Variants in LRP6 observed in about 807,000 individuals in gnomAD.
LRP6 encodes the protein LDL receptor related protein 6.
LRP6 carries 43 observed loss-of-function variants against 184.1 expected under a neutral mutation model. The ratio of observed to expected loss-of-function variants is 0.23; its 90% CI spans 0.18 to 0.30. LRP6 has a LOEUF of 0.30. Ranked by LOEUF, LRP6 falls within the 10% of genes least tolerant of loss-of-function variation. The probability of loss-of-function intolerance (pLI) is 1.00; values close to 1 mark genes in which losing one functional copy is unlikely to be tolerated. For synonymous variants in LRP6, 719 were observed against 684.9 expected (o/e 1.05, Z -0.78); for missense variants, 1,571 against 2,005.3 (o/e 0.78, Z 4.14).
Position 12,120,037 on chromosome 12 carries a change from ATATAT to A in LRP6, c.*1084_*1088del, listed in dbSNP as rs1565519423. 78 of 121,230 alleles carry A rather than the reference ATATAT, an allele frequency of 6.4e-4. No homozygotes were observed. Among genetic ancestry groups the A allele is most frequent in the African/African-American group, 2.3e-3 (74 of 31,852 alleles). The allele number at this position is 121,230 out of a possible 1,614,324, so 7.5% of individuals were successfully genotyped here. A position where few individuals can be genotyped will look rare whatever the true frequency, so the allele number is the denominator to read the frequency against. Reference sequence around the variant, plus strand: ...TATATATATATATATATATATATATATATATAAATGATTTCGTACTGTGATATATG... The same window carrying A: ...TATATATATATATATATATATATATAAAATGATTTCGTACTGTGATATATG... On this transcript the variant is annotated 3_prime_UTR_variant, in exon 23 of 23. Coordinates refer to ENST00000261349, the MANE Select transcript of LRP6 (RefSeq NM_002336.3).
intron 21 of LRP6, 140 bp downstream of exon 21, chr12:12,125,155 TA>T: frequency 1.2e-6 from 1 of 847,100 alleles, no homozygotes; most frequent in South Asian, 1.5e-5. Context: ...TGGTGTGTGG[TA>T]AGTCCTTTGA....
chr12:12,178,641 T>C lies in LRP6; in HGVS notation c.1545+1169A>G, dbSNP rs76172527. Among the ~76,000 whole-genome samples the C allele has an allele frequency of 3.0e-3, 463 of 152,302 alleles. 3 individuals are homozygous for C. The highest frequency in any genetic ancestry group is 0.01 in the African/African-American group (435 of 41,562). On this transcript the variant is annotated intron_variant, in intron 7 of 22. Coordinates refer to ENST00000261349, the MANE Select transcript of LRP6 (RefSeq NM_002336.3). ...GAAACATAAACTCATAACCTTTGTC[T>C]CATCAGCAATGCACTCCAACTGTTA...
At chr12:12,232,586 CAA>C (rs34155963) in intron 2 of LRP6, among the ~76,000 whole-genome samples, 7 of 115,704 alleles carry the variant, frequency 6.0e-5, no homozygotes, top group Non-Finnish European at 1.0e-4. Flanking sequence ...CCAGCAGGTG[CAA>C]AAAAAAAAAA....
At chr12:12,129,999 A>C (rs1190829785) in intron 19 of LRP6, among the ~76,000 whole-genome samples, 1 of 152,184 alleles carries the variant, frequency 6.6e-6, no homozygotes, top group Admixed American at 6.5e-5. Flanking sequence ...TGTATCTACT[A>C]TGAACCAGGC....
intron 19 of LRP6, among the ~76,000 whole-genome samples, 163 bp from the exon 20 acceptor site, chr12:12,127,084 AGAC>A (rs1473014483): frequency 6.6e-6 from 1 of 152,242 alleles, no homozygotes; most frequent in Non-Finnish European, 1.5e-5. Context: ...CACGCCCTGA[AGAC>A]ATATGAAATA....
chr12:12,166,057 CATAAT>C (rs1862870462), intron 7 of LRP6, among the ~76,000 whole-genome samples: 1 of 152,134 alleles, frequency 6.6e-6, no homozygotes, highest in Non-Finnish European at 1.5e-5. Flanking sequence ...CCTTTATTGA[CATAAT>C]ATAACTAATA....
chr12:12,150,072 T>A (rs138485536), intron 13 of LRP6, among the ~76,000 whole-genome samples: 1 of 152,260 alleles, frequency 6.6e-6, no homozygotes, highest in East Asian at 1.9e-4. Flanking sequence ...TAAATTTTAA[T>A]ACATTCAAGA....
At chr12:12,243,353 T>C (rs545722051) in intron 2 of LRP6, among the ~76,000 whole-genome samples, 9 of 152,356 alleles carry the variant, frequency 5.9e-5, no homozygotes, top group African/African-American at 2.2e-4. Flanking sequence ...TATTTAATAA[T>C]TTTTATTTTT....
At chr12:12,138,224 GAA>G in intron 16 of LRP6, 99 bp downstream of exon 16, 1 of 1,134,638 alleles carries the variant, frequency 8.8e-7, no homozygotes, top group Non-Finnish European at 1.3e-6. Context: ...AAAAGTGCAT[GAA>G]AGTCTTCAAG....
rs533374822 is a variant in LRP6, at chr12:12,255,304, A to G, written c.56-10649T>C. Among the ~76,000 whole-genome samples, 124 of 141,616 alleles carry G rather than the reference A, an allele frequency of 8.8e-4. No individual in the cohort carries two copies. In the East Asian group the frequency reaches 0.022, roughly 26 times the overall value. The allele number at this position is 141,616 out of a possible 152,430, so 92.9% of individuals were successfully genotyped here. On this transcript the variant is annotated intron_variant, in intron 1 of 22. Coordinates refer to ENST00000261349, the MANE Select transcript of LRP6 (RefSeq NM_002336.3). ...CATTCTGACCATTAGCTGACTGCAGAAAAAAAAAAAAATGCTTTCCAGTTA... is the reference window on the plus strand; with the variant it reads ...CATTCTGACCATTAGCTGACTGCAGGAAAAAAAAAAAATGCTTTCCAGTTA...
At chr12:12,216,903 A>G (rs1591956404) in intron 2 of LRP6, among the ~76,000 whole-genome samples, 2 of 134,182 alleles carry the variant, frequency 1.5e-5, no homozygotes, top group Non-Finnish European at 3.1e-5. Context: ...CATGAATCCC[A>G]AACTTCTTAG....
At chr12:12,181,874 T>C (rs574028889) in intron 5 of LRP6, among the ~76,000 whole-genome samples, 31 of 152,334 alleles carry the variant, frequency 2.0e-4, no homozygotes, top group African/African-American at 7.5e-4. Flanking sequence ...TAAAATTGGA[T>C]TGTGGTGATA....
At chr12:12,185,221 C>G (rs1005166028) in intron 4 of LRP6, among the ~76,000 whole-genome samples, 1 of 152,080 alleles carries the variant, frequency 6.6e-6, no homozygotes, top group African/African-American at 2.4e-5. Context: ...ATCACTTGAG[C>G]CTGGAAGTTC....
chr12:12,238,817 G>C (rs916733753), intron 2 of LRP6, among the ~76,000 whole-genome samples: 2 of 151,812 alleles, frequency 1.3e-5, no homozygotes, highest in Non-Finnish European at 2.9e-5. Context: ...AAAAAGCAAT[G>C]GTAAAATAAG....
intron 2 of LRP6, among the ~76,000 whole-genome samples, chr12:12,238,935 CACAAAAAACAA>C (rs1864988636): frequency 1.3e-5 from 2 of 151,822 alleles, no homozygotes; most frequent in Non-Finnish European, 2.9e-5. Context: ...GTAAAAAAAA[CACAAAAAACAA>C]AAAACAATGG....
chr12:12,121,445 A>C (rs1318977877), intron 22 of LRP6, 25 bp from the exon 23 acceptor site: 3 of 1,610,864 alleles, frequency 1.9e-6, no homozygotes, highest in African/African-American at 2.7e-5. Flanking sequence ...AAATAAAGAG[A>C]AGCAGTTAGT....
intron 2 of LRP6, among the ~76,000 whole-genome samples, chr12:12,226,512 A>T (rs1487833936): frequency 1.3e-5 from 2 of 152,210 alleles, no homozygotes; most frequent in African/African-American, 4.8e-5. Flanking sequence ...CTGGAGACCA[A>T]AAACACTATA....
At chr12:12,251,656 C>T (rs542421884) in intron 1 of LRP6, among the ~76,000 whole-genome samples, 37 of 152,236 alleles carry the variant, frequency 2.4e-4, no homozygotes, top group Admixed American at 3.9e-4. Context: ...GCATGAGCCA[C>T]GGTGCCCCGC....
In LRP6 at chr12:12,120,946, T is replaced by C. The variant is rs1949596213; in HGVS notation, c.*180A>G. On this transcript the variant is annotated 3_prime_UTR_variant, in exon 23 of 23. Coordinates refer to ENST00000261349, the MANE Select transcript of LRP6 (RefSeq NM_002336.3). ...CAGCAAATCTGCTGTTTTAAGAAAA[T>C]ATATAAATATCCTTTTCTTCTGTAC... 1.4e-5 allele frequency: 7 copies of C among 495,340 alleles called. No individual in the cohort carries two copies. The Admixed American group carries it at 1.9e-4, about 13-fold the overall frequency. The allele number at this position is 495,340 out of a possible 1,614,324, so 30.7% of individuals were successfully genotyped here.
Sources: gnomAD v4.1 joint callset for allele counts (sites outside exome capture counted in the v4.1 genomes callset) on GRCh38, gnomAD v4.1.1 for gene constraint, MANE v1.5 for transcripts, NCBI Gene and HGNC (gene_info 2026-07-23, HGNC 2026-07-21) for gene names.